The following UBXN11 variants were observed in gnomAD, a reference collection of about 807,000 sequenced individuals.
UBXN11 encodes the protein UBX domain protein 11.
A neutral mutation model predicts 62.8 loss-of-function variants in UBXN11; 47 were observed. The ratio of observed to expected loss-of-function variants is 0.75; its 90% CI spans 0.59 to 0.95. The LOEUF is 0.95. Ranked by LOEUF, UBXN11 falls within the 40% of genes least tolerant of loss-of-function variation. The probability of loss-of-function intolerance (pLI) is 0.00; values close to 1 mark genes in which losing one functional copy is unlikely to be tolerated. For missense variants in UBXN11, 638 were observed against 661.7 expected, an observed-to-expected ratio of 0.96 and a Z score of 0.39; for synonymous variants, 294 against 267.0, an observed-to-expected ratio of 1.10 and a Z score of -0.99.
At chr1:26,318,180 C>A in exon 1 of UBXN11, 2 of 922,826 alleles carry the variant, frequency 2.2e-6, no homozygotes, top group South Asian at 1.3e-5. Context: ...CTCCTGAGAG[C>A]ACAGCAGATG....
Position 26,285,124 on chromosome 1 carries a change from A to G in UBXN11, c.852+340T>C, listed in dbSNP as rs1570082413. On this transcript the variant is annotated intron_variant, in intron 10 of 14. Coordinates refer to ENST00000374222, the MANE Select transcript of UBXN11 (RefSeq NM_001389556.1). ...GGCTCACAGCACTGCCTCCCACCCT[A>G]CCCAGATAGCTTCAGGAGACTTGGG... The G allele has an allele frequency of 5.5e-6, 6 of 1,088,708 alleles. No individual in the cohort carries two copies. In the East Asian group the frequency reaches 3.7e-4, roughly 66 times the overall value. The allele number at this position is 1,088,708 out of a possible 1,614,324, so 67.4% of individuals were successfully genotyped here.
At position 26,297,385 on chromosome 1, in the gene UBXN11, G is replaced by T. The variant is rs1317070878; in HGVS notation, c.355+42C>A. 3 of 1,496,978 alleles carry T rather than the reference G, an allele frequency of 2.0e-6. No individual in the cohort carries two copies. In the East Asian group the frequency reaches 7.4e-5, roughly 37 times the overall value. The allele number at this position is 1,496,978 out of a possible 1,614,324, so 92.7% of individuals were successfully genotyped here. On this transcript the variant is annotated intron_variant, in intron 6 of 14. Transcript: ENST00000374222. ...CAGGAGCCCTGGGCCCAGGGGAGGT[G>T]CCTGACTGGGGGCGCAGGTCAGCCC...
chr1:26,303,745 C>T (rs1310239979), intron 1 of UBXN11, among the ~76,000 whole-genome samples: 2 of 151,008 alleles, frequency 1.3e-5, no homozygotes, highest in East Asian at 1.9e-4. Flanking sequence ...AAATGGGGGT[C>T]GTAATAGTAC....
upstream of UBXN11, among the ~76,000 whole-genome samples, chr1:26,308,265 CAAA>C (rs112792329): frequency 1.3e-5 from 1 of 78,398 alleles, no homozygotes; most frequent in Non-Finnish European, 2.8e-5. Flanking sequence ...GAAACTCTGT[CAAA>C]AAAAAAAAAA....
chr1:26,301,016 C>A lies in UBXN11; in HGVS notation c.109G>T (p.Val37Leu), dbSNP rs780664558. Reference protein sequence around the residue: ...GIRIYGDEDEVDMLSDGCGSE... With the variant: ...GIRIYGDEDELDMLSDGCGSE... ...CCACACCCATCACTCAACATGTCCACCTCATCTTCTGCAGACAGGGATGCC... is the reference window on the plus strand; with the variant it reads ...CCACACCCATCACTCAACATGTCCAACTCATCTTCTGCAGACAGGGATGCC... The change falls in exon 4 of 15, where the codon GTG becomes TTG. Residue 37 changes from valine (V) to leucine (L), a missense_variant. Physicochemically the swap from Val to Leu is conservative, Grantham distance 32. Coordinates refer to ENST00000374222, the MANE Select transcript of UBXN11 (RefSeq NM_001389556.1). The A allele has an allele frequency of 6.2e-7, 1 of 1,614,246 alleles. No individual in the cohort carries two copies. Among genetic ancestry groups the A allele is most frequent in the East Asian group, 2.2e-5 (1 of 44,886 alleles).
intron 4 of UBXN11, 85 bp from the exon 5 acceptor site, chr1:26,298,147 G>A: frequency 7.2e-7 from 1 of 1,392,904 alleles, no homozygotes; most frequent in African/African-American, 1.4e-5. Context: ...GGGGTCCCAG[G>A]AATGGAAATG....
intron 1 of UBXN11, among the ~76,000 whole-genome samples, chr1:26,317,118 G>A (rs1421317459): frequency 6.6e-6 from 1 of 151,064 alleles, no homozygotes; most frequent in Admixed American, 6.6e-5. Flanking sequence ...GCACACACCT[G>A]TAGTCCCAGC....
At chr1:26,306,234 C>G (rs1156495634) in intron 1 of UBXN11, 1 of 152,320 alleles carries the variant, frequency 6.6e-6, no homozygotes, top group Non-Finnish European at 1.5e-5. Flanking sequence ...GAGCAAATCT[C>G]TGCACCATGC....
intron 6 of UBXN11, 152 bp downstream of exon 6, chr1:26,297,275 G>T: frequency 1.1e-6 from 1 of 927,960 alleles, no homozygotes. Context: ...TGGATATGCT[G>T]CAGCCCCTCT....
At chr1:26,302,362 TAAAAAAAAAAAAAAA>T (rs56003085) in intron 2 of UBXN11, among the ~76,000 whole-genome samples, 19 of 69,532 alleles carry the variant, frequency 2.7e-4, no homozygotes, top group African/African-American at 1.0e-3. Flanking sequence ...ACTTGGTCTT[TAAAAAAAAAAAAAAA>T]AAAAAAAAAA....
chr1:26,298,176 C>T lies in UBXN11; in HGVS notation c.200-114G>A, dbSNP rs2073442458. 3 of 1,026,880 alleles carry T rather than the reference C, an allele frequency of 2.9e-6. No individual in the cohort carries two copies. In the African/African-American group the frequency reaches 4.8e-5, roughly 16 times the overall value. The allele number at this position is 1,026,880 out of a possible 1,614,324, so 63.6% of individuals were successfully genotyped here. On this transcript the variant is annotated intron_variant, in intron 4 of 14. Coordinates refer to ENST00000374222, the MANE Select transcript of UBXN11 (RefSeq NM_001389556.1). The stretch of plus-strand genomic sequence containing the variant: ...GGAAATGAAGGTACTGAGAGCAGCT[C>T]CCACTGGCATCATAGGAACTGTTCT...
chr1:26,308,507 G>C (rs1188967179), upstream of UBXN11, among the ~76,000 whole-genome samples: 1 of 152,100 alleles, frequency 6.6e-6, no homozygotes, highest in African/African-American at 2.4e-5. Context: ...GAGTCTGGGC[G>C]GAAAGTGTGA....
intron 1 of UBXN11, among the ~76,000 whole-genome samples, chr1:26,305,105 T>G (rs2073632821): frequency 6.6e-6 from 1 of 152,144 alleles, no homozygotes; most frequent in Non-Finnish European, 1.5e-5. Flanking sequence ...AATACTTTTT[T>G]TGTTTTGTTT....
chr1:26,285,997 C>G lies in UBXN11; in HGVS notation c.600G>C (p.Leu200=). ...CACTAAGATCCTGCAGGCTGGCCAG[C>G]AGCCTGTCAAAGTCCACCTCAGGGG... ...LAPPEVDFDR[L]LASLQDLSEL... The change falls in exon 9 of 15, where the codon CTG becomes CTC. Residue 200 remains leucine, a synonymous_variant. Coordinates refer to ENST00000374222, the MANE Select transcript of UBXN11 (RefSeq NM_001389556.1). The G allele has an allele frequency of 1.2e-6, 2 of 1,611,736 alleles. No homozygotes were observed. Among genetic ancestry groups the G allele is most frequent in the Non-Finnish European group, 8.5e-7 (1 of 1,178,396 alleles).
intron 8 of UBXN11, among the ~76,000 whole-genome samples, chr1:26,287,435 G>C (rs1453962526): frequency 6.6e-6 from 1 of 152,158 alleles, no homozygotes; most frequent in East Asian, 1.9e-4. Context: ...ACAGACCAGG[G>C]GCCTGTTCTG....
chr1:26,297,037 G>T, intron 6 of UBXN11, 42 bp from the exon 7 acceptor site: 1 of 1,567,610 alleles, frequency 6.4e-7, no homozygotes, highest in South Asian at 1.2e-5. Flanking sequence ...GCCCCAGCAA[G>T]ACACTGCCAG....
chr1:26,288,633 G>C (rs1044338426), intron 8 of UBXN11, among the ~76,000 whole-genome samples: 2 of 152,188 alleles, frequency 1.3e-5, no homozygotes, highest in Non-Finnish European at 2.9e-5. Context: ...CAAGTCCTAG[G>C]TCTGCCCTGA....
chr1:26,315,388 A>G (rs2073781875), intron 1 of UBXN11, among the ~76,000 whole-genome samples: 3 of 152,194 alleles, frequency 2.0e-5, no homozygotes, highest in Admixed American at 1.3e-4. Flanking sequence ...TCAGACTTCA[A>G]CACGGGTATC....
At chr1:26,283,826 G>A (rs114997766) in intron 12 of UBXN11, among the ~76,000 whole-genome samples, 2,588 of 152,302 alleles carry the variant, frequency 0.017, 30 homozygotes, top group Non-Finnish European at 0.024. Context: ...AGAGTCTGAG[G>A]CAACCACGAA....
Sources: gnomAD v4.1 joint callset for allele counts (sites outside exome capture counted in the v4.1 genomes callset) on GRCh38, gnomAD v4.1.1 for gene constraint, MANE v1.5 for transcripts, NCBI Gene and HGNC (gene_info 2026-07-23, HGNC 2026-07-21) for gene names.